Variants in BACH1 observed in about 807,000 individuals in gnomAD.
BACH1 encodes the protein transcription regulator protein BACH1.
A neutral mutation model predicts 52.9 loss-of-function variants in BACH1; 35 were observed. That is an observed-to-expected ratio of 0.66 (90% CI 0.51 to 0.88). The LOEUF (loss-of-function observed/expected upper bound fraction) is 0.88. Ranked by LOEUF, BACH1 falls within the 40% of genes least tolerant of loss-of-function variation. The pLI, the probability that BACH1 is intolerant of heterozygous loss-of-function variation, is 0.00. For missense variants in BACH1, 808 were observed against 872.6 expected (o/e 0.93, Z 0.93); for synonymous variants, 321 against 319.6 (o/e 1.00, Z -0.05).
chr21:29,332,092 C>T, intron 4 of BACH1, among the ~76,000 whole-genome samples: 1 of 152,028 alleles, frequency 6.6e-6, no homozygotes, highest in Non-Finnish European at 1.5e-5. Context: ...GCCACCACAC[C>T]CAACTAATTT....
In BACH1 at chr21:29,343,863, T is replaced by TA. The variant is rs1326958188; in HGVS notation, c.*1036dup. On this transcript the variant is annotated 3_prime_UTR_variant, in exon 5 of 5. Coordinates refer to ENST00000286800, the MANE Select transcript of BACH1 (RefSeq NM_001186.4). ...CACTTGTAAAAATGATTGTAACAGA[T>TA]AAAAAATGTATCTGCAGCAACTCTG... 6.6e-6 allele frequency: 1 copy of TA among 152,218 alleles called. No individual in the cohort carries two copies. The highest frequency in any genetic ancestry group is 2.1e-4 in the South Asian group (1 of 4,832). 9.4% of individuals were successfully genotyped at this position (152,218 alleles called of 1,614,324 possible). A position where few individuals can be genotyped will look rare whatever the true frequency, so the allele number is the denominator to read the frequency against.
chr21:29,327,667 A>C (rs181940019), intron 3 of BACH1, among the ~76,000 whole-genome samples: 1 of 152,164 alleles, frequency 6.6e-6, no homozygotes, highest in Admixed American at 6.6e-5. Context: ...CCGTCTCTAC[A>C]AAAATTAGCT....
chr21:29,357,375 A>G (rs958136406), intron 2 of BACH1, among the ~76,000 whole-genome samples: 7 of 152,184 alleles, frequency 4.6e-5, no homozygotes, highest in East Asian at 1.9e-4. Context: ...CTGGACTACA[A>G]TTTGTTGGCA....
chr21:29,321,470 G>T lies in BACH1; in HGVS notation c.190G>T (p.Val64Leu). 2 of 1,614,186 alleles carry T rather than the reference G, an allele frequency of 1.2e-6. No individual in the cohort carries two copies. The highest frequency in any genetic ancestry group is 1.7e-6 in the Non-Finnish European group (2 of 1,180,024). ...CAGCAGTTACTTCCACTCAAGAATCGTAGGCCAGGCTGATGGAGAGCTGAA... is the reference window on the plus strand; with the variant it reads ...CAGCAGTTACTTCCACTCAAGAATCTTAGGCCAGGCTGATGGAGAGCTGAA... ...ACSSYFHSRIVGQADGELNIT... is the reference protein window; with the variant it reads ...ACSSYFHSRILGQADGELNIT... Residue 64 changes from valine (V) to leucine (L), a missense_variant, in exon 2 of 5, where the codon GTA becomes TTA. By Grantham distance (32) the Val-to-Leu change is conservative. Transcript: ENST00000286800.
At chr21:29,347,326 A>G (rs998708378), downstream of BACH1, among the ~76,000 whole-genome samples, 1 of 152,214 alleles carries the variant, frequency 6.6e-6, no homozygotes, top group Non-Finnish European at 1.5e-5. Flanking sequence ...AGAGGAGCAG[A>G]AAAATGTAAA....
intron 1 of BACH1, among the ~76,000 whole-genome samples, chr21:29,308,326 C>T (rs765195760): frequency 1.1e-4 from 17 of 152,116 alleles, no homozygotes; most frequent in Non-Finnish European, 1.8e-4. Flanking sequence ...CCTACGGTGG[C>T]TGTTAGGGAT....
intron 4 of BACH1, among the ~76,000 whole-genome samples, chr21:29,332,193 C>T (rs1392404659): frequency 1.3e-5 from 2 of 152,168 alleles, no homozygotes; most frequent in Admixed American, 1.3e-4. Flanking sequence ...CTCAGCCTTC[C>T]AAAGTGCTGG....
At chr21:29,324,924 G>A (rs2088892439) in intron 2 of BACH1, among the ~76,000 whole-genome samples, 1 of 152,098 alleles carries the variant, frequency 6.6e-6, no homozygotes, top group Non-Finnish European at 1.5e-5. Context: ...GGTTTAGCAT[G>A]TTTATGTTTT....
chr21:29,323,864 G>T (rs924317313), intron 2 of BACH1, among the ~76,000 whole-genome samples: 6 of 152,116 alleles, frequency 3.9e-5, no homozygotes, highest in South Asian at 2.1e-4. Flanking sequence ...ATAGCGTTCA[G>T]ATTGCCACAA....
At chr21:29,302,709 A>C (rs1385110430) in intron 1 of BACH1, among the ~76,000 whole-genome samples, 6 of 152,254 alleles carry the variant, frequency 3.9e-5, no homozygotes, top group Non-Finnish European at 7.3e-5. Flanking sequence ...TCTGTTGTTC[A>C]GAATCAGGGA....
chr21:29,355,518 G>A (rs973000782), intron 2 of BACH1, among the ~76,000 whole-genome samples: 5 of 152,206 alleles, frequency 3.3e-5, no homozygotes, highest in African/African-American at 1.2e-4. Context: ...GGCGATGACT[G>A]CTCTAGCTAC....
intron 2 of BACH1, among the ~76,000 whole-genome samples, chr21:29,324,556 TTGTGTGTGTG>T (rs59785894): frequency 3.1e-4 from 45 of 145,322 alleles, no homozygotes; most frequent in Middle Eastern, 3.4e-3. Flanking sequence ...TGGATGTACC[TTGTGTGTGTG>T]TGTGTGTGTG....
At chr21:29,346,585 C>G (rs1006871101), downstream of BACH1, among the ~76,000 whole-genome samples, 2 of 152,026 alleles carry the variant, frequency 1.3e-5, no homozygotes, top group African/African-American at 4.8e-5. Context: ...CTAGGGGACA[C>G]TTGGCAGTTC....
intron 1 of BACH1, among the ~76,000 whole-genome samples, chr21:29,317,207 A>T (rs2123427689): frequency 6.6e-6 from 1 of 152,336 alleles, no homozygotes; most frequent in South Asian, 2.1e-4. Flanking sequence ...GCACCCGCCC[A>T]TGTGGGGAAA....
intron 1 of BACH1, among the ~76,000 whole-genome samples, chr21:29,312,810 GT>G (rs1203951432): frequency 6.6e-6 from 1 of 152,140 alleles, no homozygotes; most frequent in Non-Finnish European, 1.5e-5. Flanking sequence ...GGAGGACTCA[GT>G]TTTTTAGATG....
chr21:29,309,972 G>C (rs1290727964), intron 1 of BACH1, among the ~76,000 whole-genome samples: 1 of 152,134 alleles, frequency 6.6e-6, no homozygotes, highest in Non-Finnish European at 1.5e-5. Flanking sequence ...GACTTGACTT[G>C]ATGGGTCTTT....
intron 2 of BACH1, among the ~76,000 whole-genome samples, chr21:29,355,987 C>G (rs932019015): frequency 6.6e-6 from 1 of 152,212 alleles, no homozygotes. Flanking sequence ...TAGGCCTCAG[C>G]AGTTTTGGAG....
At chr21:29,307,731 C>A (rs932580665) in intron 1 of BACH1, among the ~76,000 whole-genome samples, 3 of 152,032 alleles carry the variant, frequency 2.0e-5, no homozygotes, top group African/African-American at 7.3e-5. Context: ...GGAATGTATC[C>A]CCTGTAGATA....
intron 1 of BACH1, among the ~76,000 whole-genome samples, chr21:29,321,003 C>G (rs1464568081): frequency 6.6e-6 from 1 of 152,118 alleles, no homozygotes; most frequent in East Asian, 1.9e-4. Context: ...TCAAAAAGTT[C>G]CCTCACACCA....
Sources: allele counts gnomAD v4.1 joint callset (sites outside exome capture counted in the v4.1 genomes callset), GRCh38; gene constraint gnomAD v4.1.1; transcripts MANE v1.5; gene names NCBI Gene and HGNC (gene_info 2026-07-23, HGNC 2026-07-21).